The following TMEM196 variants were observed in gnomAD, a reference collection of about 807,000 sequenced individuals.
TMEM196 encodes the protein transmembrane protein 196.
In TMEM196, 17 loss-of-function variants were observed where a neutral mutation model predicts 20.0. The ratio of observed to expected loss-of-function variants is 0.85; its 90% CI spans 0.58 to 1.27. TMEM196 has a LOEUF of 1.27. Ranked by LOEUF, TMEM196 falls within the 50% of genes most tolerant of loss-of-function variation. The pLI is 0.00. For synonymous variants in TMEM196, 113 were observed against 88.9 expected, an observed-to-expected ratio of 1.27 and a Z score of -1.52; for missense variants, 267 against 223.0, an observed-to-expected ratio of 1.20 and a Z score of -1.26.
rs1384960988 is a variant in TMEM196 at position 19,719,367 on chromosome 7, C to T, written c.*2761G>A. The T allele has an allele frequency of 6.7e-6, 1 of 148,962 alleles. No individual in the cohort carries two copies. Among genetic ancestry groups the T allele is most frequent in the Non-Finnish European group, 1.5e-5 (1 of 66,068 alleles). 9.2% of individuals were successfully genotyped at this position (148,962 alleles called of 1,614,324 possible). Reference sequence around the variant, plus strand: ...AGACATGTCAGTAGAGTTATCATTTCCTGTTCCACTTCCAAACCATTGTGT... The same window carrying T: ...AGACATGTCAGTAGAGTTATCATTTTCTGTTCCACTTCCAAACCATTGTGT... On this transcript the variant is annotated 3_prime_UTR_variant, in exon 5 of 5. Coordinates refer to ENST00000405844, the MANE Select transcript of TMEM196 (RefSeq NM_001363562.2).
At chr7:19,744,969 A>G (rs143676129) in intron 1 of TMEM196, among the ~76,000 whole-genome samples, 29 of 152,266 alleles carry the variant, frequency 1.9e-4, no homozygotes, top group African/African-American at 7.0e-4. Flanking sequence ...TTTCCTAATT[A>G]TTCCTTATTG....
At chr7:19,742,005 C>T (rs138077079) in intron 1 of TMEM196, among the ~76,000 whole-genome samples, 19 of 152,196 alleles carry the variant, frequency 1.2e-4, no homozygotes, top group African/African-American at 4.6e-4. Context: ...GATTGTAGTT[C>T]AATCTCCTCT....
intron 1 of TMEM196, among the ~76,000 whole-genome samples, chr7:19,760,047 G>T (rs193068069): frequency 6.6e-6 from 1 of 152,034 alleles, no homozygotes; most frequent in Non-Finnish European, 1.5e-5. Flanking sequence ...GTTGTGGCAC[G>T]TATATAAAGT....
chr7:19,753,574 A>T (rs906787831), intron 1 of TMEM196, among the ~76,000 whole-genome samples: 1 of 151,902 alleles, frequency 6.6e-6, no homozygotes, highest in African/African-American at 2.4e-5. Flanking sequence ...CTTCATTCTG[A>T]CTCTTAATTT....
intron 3 of TMEM196, 72 bp downstream of exon 3, chr7:19,725,442 A>T: frequency 6.7e-7 from 1 of 1,490,972 alleles, no homozygotes. Flanking sequence ...TAAAGTTTCA[A>T]GTTGATTCAC....
chr7:19,733,629 C>G (rs555723432), intron 1 of TMEM196, among the ~76,000 whole-genome samples: 3 of 148,906 alleles, frequency 2.0e-5, no homozygotes, highest in Non-Finnish European at 4.4e-5. Context: ...GATTGCCACT[C>G]TAACTGGAGG....
chr7:19,746,485 T>G (rs1461439779), intron 1 of TMEM196, among the ~76,000 whole-genome samples: 2 of 152,244 alleles, frequency 1.3e-5, no homozygotes, highest in African/African-American at 4.8e-5. Context: ...TATGTGGCAC[T>G]ATGTAATTCA....
intron 1 of TMEM196, among the ~76,000 whole-genome samples, chr7:19,748,847 A>G (rs1238994458): frequency 1.3e-5 from 2 of 152,206 alleles, no homozygotes; most frequent in African/African-American, 2.4e-5. Flanking sequence ...TGAAAGCAGA[A>G]GACTAGAATA....
At chr7:19,758,512 A>T (rs61156122) in intron 1 of TMEM196, among the ~76,000 whole-genome samples, 12,730 of 152,202 alleles carry the variant, frequency 0.084, 1,538 homozygotes, top group African/African-American at 0.26. Context: ...AAATAATGTT[A>T]GAATAAAAAA....
chr7:19,723,486 A>G (rs183502950), intron 4 of TMEM196, among the ~76,000 whole-genome samples: 1,550 of 152,328 alleles, frequency 0.01, 10 homozygotes, highest in Middle Eastern at 0.034. Context: ...ATGTTACAAA[A>G]AAAGAATTTT....
At chr7:19,740,197 G>A (rs1223081493) in intron 1 of TMEM196, among the ~76,000 whole-genome samples, 3 of 152,170 alleles carry the variant, frequency 2.0e-5, no homozygotes, top group Non-Finnish European at 4.4e-5. Flanking sequence ...ACTATTCACT[G>A]ATATGGAGAG....
intron 3 of TMEM196, among the ~76,000 whole-genome samples, chr7:19,725,100 G>T (rs1783945893): frequency 6.6e-6 from 1 of 152,148 alleles, no homozygotes; most frequent in Admixed American, 6.5e-5. Flanking sequence ...TATACTTGAA[G>T]ATCAAATTTA....
intron 4 of TMEM196, among the ~76,000 whole-genome samples, chr7:19,723,383 T>C (rs1783877929): frequency 6.6e-6 from 1 of 152,280 alleles, no homozygotes; most frequent in South Asian, 2.1e-4. Flanking sequence ...CCTTCTACAA[T>C]GACTTTCCAC....
intron 1 of TMEM196, among the ~76,000 whole-genome samples, chr7:19,768,499 T>A (rs1785724582): frequency 6.6e-6 from 1 of 152,018 alleles, no homozygotes; most frequent in African/African-American, 2.4e-5. Flanking sequence ...CTGAGAAGAG[T>A]GACTTTCACA....
At chr7:19,733,409 G>A (rs1004280481) in intron 1 of TMEM196, among the ~76,000 whole-genome samples, 1 of 152,160 alleles carries the variant, frequency 6.6e-6, no homozygotes, top group Non-Finnish European at 1.5e-5. Context: ...TCAATTCAAA[G>A]AGGGAAATCT....
intron 1 of TMEM196, among the ~76,000 whole-genome samples, chr7:19,740,640 G>T (rs561894750): frequency 6.6e-6 from 1 of 152,234 alleles, no homozygotes; most frequent in South Asian, 2.1e-4. Context: ...CTCAGAATGT[G>T]TATTTGGAAT....
At chr7:19,730,222 T>C (rs538982232) in intron 1 of TMEM196, among the ~76,000 whole-genome samples, 129 of 150,872 alleles carry the variant, frequency 8.6e-4, no homozygotes, top group Non-Finnish European at 1.3e-3. Context: ...CGCCACTGCA[T>C]TCCAGCCTGG....
At chr7:19,729,256 G>GGTTTT (rs1554297886) in intron 2 of TMEM196, 126 bp downstream of exon 2, 4 of 435,046 alleles carry the variant, frequency 9.2e-6, no homozygotes, top group Non-Finnish European at 3.6e-6. Context: ...TTATTTGTCA[G>GGTTTT]TTTTTTTTTT....
intron 1 of TMEM196, among the ~76,000 whole-genome samples, chr7:19,757,995 C>A (rs1264477727): frequency 5.4e-5 from 8 of 149,196 alleles, no homozygotes; most frequent in African/African-American, 1.5e-4. Flanking sequence ...GAACCCCAGG[C>A]AAATGGTGTA....
Sources: gnomAD v4.1 joint callset for allele counts (sites outside exome capture counted in the v4.1 genomes callset) on GRCh38, gnomAD v4.1.1 for gene constraint, MANE v1.5 for transcripts, NCBI Gene and HGNC (gene_info 2026-07-23, HGNC 2026-07-21) for gene names.